Variants in TAOK3 observed in about 807,000 individuals in gnomAD.
The protein encoded by TAOK3 is serine/threonine-protein kinase TAO3.
Under a neutral mutation model 120.4 loss-of-function variants are expected in TAOK3, and 40 were observed. That is an observed-to-expected ratio of 0.33 (90% CI 0.26 to 0.43). The LOEUF (loss-of-function observed/expected upper bound fraction) is 0.43. Ranked by LOEUF, TAOK3 falls within the 20% of genes least tolerant of loss-of-function variation. The probability of loss-of-function intolerance (pLI) is 1.00; values close to 1 mark genes in which losing one functional copy is unlikely to be tolerated. For synonymous variants in TAOK3, 355 were observed against 387.5 expected (o/e 0.92, Z 0.99); for missense variants, 821 against 1,112.1 (o/e 0.74, Z 3.72).
intron 1 of TAOK3, among the ~76,000 whole-genome samples, chr12:118,327,480 T>C (rs1447523267): frequency 6.6e-6 from 1 of 152,186 alleles, no homozygotes; most frequent in Non-Finnish European, 1.5e-5. Context: ...TAAGAAATAA[T>C]AATAGTGAAG....
At chr12:118,301,110 G>A (rs1364140417) in intron 1 of TAOK3, among the ~76,000 whole-genome samples, 1 of 152,138 alleles carries the variant, frequency 6.6e-6, no homozygotes. Context: ...CATACAGCCA[G>A]AAGTATCAAA....
At position 118,165,035 on chromosome 12, in the gene TAOK3, G is replaced by A. The variant is rs542983956; in HGVS notation, c.1900-3008C>T. On this transcript the variant is annotated intron_variant, in intron 17 of 20. Coordinates refer to ENST00000392533, the MANE Select transcript of TAOK3 (RefSeq NM_016281.4). ...CAGTGAACATGTACACCCCCTCAGC[G>A]ACCTTATAAGGAGAAAAAACCCAAA... Among the ~76,000 whole-genome samples the A allele has an allele frequency of 8.5e-5, 13 of 152,188 alleles. No individual in the cohort carries two copies. The East Asian group carries it at 2.5e-3, about 29-fold the overall frequency.
In TAOK3 at chr12:118,195,602, A is replaced by T. The variant is rs961429386; in HGVS notation, c.1194+3449T>A. ...TGTGCTACGTGGTAGGTGAAAAAAA[A>T]GGTTCCTGAAGAACTACCAGTCTAG... On this transcript the variant is annotated intron_variant, in intron 13 of 20. Coordinates refer to ENST00000392533, the MANE Select transcript of TAOK3 (RefSeq NM_016281.4). Among the ~76,000 whole-genome samples the T allele has an allele frequency of 1.1e-4, 17 of 152,330 alleles. No individual in the cohort carries two copies. The East Asian group carries it at 1.3e-3, about 12-fold the overall frequency.
At chr12:118,292,839 C>T (rs1593437542) in intron 1 of TAOK3, among the ~76,000 whole-genome samples, 1 of 152,158 alleles carries the variant, frequency 6.6e-6, no homozygotes, top group Non-Finnish European at 1.5e-5. Flanking sequence ...GAGGAGTGTA[C>T]CAATTCAAGA....
At chr12:118,248,239 GT>G (rs35707655) in intron 3 of TAOK3, among the ~76,000 whole-genome samples, 14,975 of 149,080 alleles carry the variant, frequency 0.1, 960 homozygotes, top group Middle Eastern at 0.15. Context: ...TACTACAGGA[GT>G]TTTTTTTAAA....
chr12:118,164,319 T>G (rs1034660555), intron 17 of TAOK3, among the ~76,000 whole-genome samples: 2 of 148,174 alleles, frequency 1.3e-5, no homozygotes, highest in East Asian at 2.0e-4. Flanking sequence ...AGAGCGAGAC[T>G]CCGTCTCAAA....
chr12:118,250,806 T>C (rs1177635270), intron 3 of TAOK3, among the ~76,000 whole-genome samples: 1 of 152,170 alleles, frequency 6.6e-6, no homozygotes, highest in African/African-American at 2.4e-5. Context: ...CAACGGTGGA[T>C]GTGACTTAGG....
chr12:118,201,091 A>G, intron 12 of TAOK3: 1 of 433,686 alleles, frequency 2.3e-6, no homozygotes, highest in Non-Finnish European at 4.1e-6. Context: ...GACCCCTGCA[A>G]TGGGGTTACA....
chr12:118,186,460 A>G (rs1665016353), intron 14 of TAOK3, among the ~76,000 whole-genome samples: 1 of 152,220 alleles, frequency 6.6e-6, no homozygotes, highest in South Asian at 2.1e-4. Flanking sequence ...ATGTAGCAAC[A>G]GCTAAAAACA....
chr12:118,271,947 G>A (rs574181876), intron 1 of TAOK3, among the ~76,000 whole-genome samples: 19 of 152,280 alleles, frequency 1.2e-4, no homozygotes, highest in African/African-American at 4.1e-4. Flanking sequence ...GTAGAACTGC[G>A]CCAAGAATGT....
At chr12:118,331,664 A>T (rs921336463) in intron 1 of TAOK3, among the ~76,000 whole-genome samples, 1 of 150,760 alleles carries the variant, frequency 6.6e-6, no homozygotes, top group Non-Finnish European at 1.5e-5. Context: ...AAAAAAAAAA[A>T]AAAAGAATAA....
At chr12:118,310,840 A>G (rs1198057603) in intron 1 of TAOK3, among the ~76,000 whole-genome samples, 1 of 152,176 alleles carries the variant, frequency 6.6e-6, no homozygotes, top group Non-Finnish European at 1.5e-5. Flanking sequence ...TGTAGTGTAG[A>G]TAGCCTTAAT....
At chr12:118,175,256 C>T (rs1050002121) in intron 16 of TAOK3, among the ~76,000 whole-genome samples, 1 of 152,158 alleles carries the variant, frequency 6.6e-6, no homozygotes, top group African/African-American at 2.4e-5. Flanking sequence ...ACCCCAACCC[C>T]CTTGGTTTCA....
intron 17 of TAOK3, among the ~76,000 whole-genome samples, chr12:118,170,173 G>GTT (rs34175555): frequency 0.19 from 27,747 of 149,896 alleles, 2,868 homozygotes; most frequent in Non-Finnish European, 0.24. Context: ...TTCTCAAGCA[G>GTT]TTTTTTTTTT....
intron 1 of TAOK3, among the ~76,000 whole-genome samples, chr12:118,311,753 G>C (rs915012140): frequency 2.0e-5 from 3 of 152,160 alleles, no homozygotes; most frequent in Non-Finnish European, 4.4e-5. Context: ...TATAGCAATG[G>C]ATGCTGTGTC....
intron 2 of TAOK3, among the ~76,000 whole-genome samples, chr12:118,262,581 C>G (rs2041277915): frequency 6.6e-6 from 1 of 151,898 alleles, no homozygotes; most frequent in Non-Finnish European, 1.5e-5. Flanking sequence ...AATCCCAGTA[C>G]TTTGGGAGGC....
chr12:118,221,648 T>C (rs1403780314), intron 9 of TAOK3, among the ~76,000 whole-genome samples: 2 of 150,748 alleles, frequency 1.3e-5, no homozygotes, highest in Non-Finnish European at 3.0e-5. Context: ...TTTTTTTTTT[T>C]TTTTGAGACA....
At chr12:118,337,816 A>G (rs1228476961) in intron 1 of TAOK3, among the ~76,000 whole-genome samples, 1 of 152,206 alleles carries the variant, frequency 6.6e-6, no homozygotes, top group Non-Finnish European at 1.5e-5. Context: ...TCATGATAAC[A>G]CTTCTTCAAT....
At chr12:118,178,919 G>A (rs947811032) in intron 15 of TAOK3, among the ~76,000 whole-genome samples, 10 of 152,176 alleles carry the variant, frequency 6.6e-5, no homozygotes, top group African/African-American at 1.9e-4. Context: ...TACGTAAGAC[G>A]AGCGACTTGG....
Sources: allele counts gnomAD v4.1 joint callset (sites outside exome capture counted in the v4.1 genomes callset), GRCh38; gene constraint gnomAD v4.1.1; transcripts MANE v1.5; gene names NCBI Gene and HGNC (gene_info 2026-07-23, HGNC 2026-07-21).